KCNN2: variants seen among roughly 807,000 people sequenced by gnomAD.
The protein encoded by KCNN2 is potassium calcium-activated channel subfamily N member 2, also known as small conductance calcium-activated potassium channel protein 2.
In KCNN2, 24 loss-of-function variants were observed where a neutral mutation model predicts 55.5. That is an observed-to-expected ratio of 0.43 (90% confidence interval 0.31 to 0.61). KCNN2 has a LOEUF of 0.61. KCNN2 is among the 20% of genes least tolerant of loss of function. The probability of loss-of-function intolerance (pLI) is 0.08; values close to 1 mark genes in which losing one functional copy is unlikely to be tolerated. For synonymous variants in KCNN2, 431 were observed against 336.1 expected, an observed-to-expected ratio of 1.28 and a Z score of -3.09; for missense variants, 754 against 853.6, an observed-to-expected ratio of 0.88 and a Z score of 1.45.
At position 114,471,541 on chromosome 5, in the gene KCNN2, A is replaced by C. The variant is rs529294170; in HGVS notation, c.1780-1513A>C. Among the ~76,000 whole-genome samples the C allele has an allele frequency of 3.3e-5, 5 of 152,306 alleles. No homozygotes were observed. The East Asian group carries it at 9.6e-4, about 29-fold the overall frequency. On this transcript the variant is annotated intron_variant, in intron 4 of 7. Coordinates refer to ENST00000673685, the MANE Select transcript of KCNN2 (RefSeq NM_021614.4). ...TATGTGATCCTAAATATAGATATAGATATTATGAGATGAAGTAAAGAGTAG... is the reference window on the plus strand; with the variant it reads ...TATGTGATCCTAAATATAGATATAGCTATTATGAGATGAAGTAAAGAGTAG...
intron 3 of KCNN2, among the ~76,000 whole-genome samples, chr5:114,453,633 G>A (rs1260962747): frequency 1.3e-5 from 2 of 151,994 alleles, no homozygotes; most frequent in East Asian, 3.9e-4. Context: ...GATAGTTGTT[G>A]GAACCTCTAT....
chr5:114,120,889 T>G (rs2112596409), intron 1 of KCNN2, among the ~76,000 whole-genome samples: 1 of 152,374 alleles, frequency 6.6e-6, no homozygotes, highest in South Asian at 2.1e-4. Context: ...TGTATGATCC[T>G]GAGCATGGCA....
intron 1 of KCNN2, among the ~76,000 whole-genome samples, chr5:114,178,246 TA>T (rs1753174425): frequency 6.6e-6 from 1 of 152,150 alleles, no homozygotes; most frequent in Non-Finnish European, 1.5e-5. Context: ...TCCCATAACT[TA>T]AAAAATATAA....
chr5:114,202,226 A>G (rs909670581), intron 1 of KCNN2, among the ~76,000 whole-genome samples: 3 of 151,460 alleles, frequency 2.0e-5, no homozygotes, highest in African/African-American at 7.3e-5. Context: ...CTGGAGCAAC[A>G]TCTCTGTGCA....
In KCNN2 at chr5:114,123,620, C is replaced by T. The variant is rs1441865620; in HGVS notation, c.-271+67120C>T. ...CCTCGTGATCCGCCCGCCTCGGCCT[C>T]CCAAAGTGCTGGGATTACAGGCGTG... On this transcript the variant is annotated intron_variant, in intron 1 of 10. Transcript: ENST00000512097. Among the ~76,000 whole-genome samples the T allele has an allele frequency of 7.8e-5, 5 of 63,828 alleles. 1 individual carries two copies. Among genetic ancestry groups the T allele is most frequent in the African/African-American group, 2.0e-4 (2 of 9,872 alleles). The allele number at this position is 63,828 out of a possible 152,430, so 41.9% of individuals were successfully genotyped here. A position where few individuals can be genotyped will look rare whatever the true frequency, so the allele number is the denominator to read the frequency against.
intron 2 of KCNN2, among the ~76,000 whole-genome samples, chr5:114,300,377 A>G (rs964754867): frequency 6.6e-6 from 1 of 152,180 alleles, no homozygotes; most frequent in African/African-American, 2.4e-5. Context: ...CCTTGTTTTA[A>G]TTACAGAACG....
At chr5:114,314,198 T>G (rs1394093855) in intron 2 of KCNN2, among the ~76,000 whole-genome samples, 3 of 152,114 alleles carry the variant, frequency 2.0e-5, no homozygotes, top group Non-Finnish European at 4.4e-5. Flanking sequence ...TTTAGGTTAC[T>G]AAAAAGTTGA....
In KCNN2 at chr5:114,168,174, T is replaced by TATACACAC. The variant is rs1554072772; in HGVS notation, c.-270-53305_-270-53304insTACACACA. On this transcript the variant is annotated intron_variant, in intron 1 of 10. Transcript: ENST00000512097. ...ATAATCATATATATGTGGATATATA[T>TATACACAC]ACACACACACACACACACACACACA... Among the ~76,000 whole-genome samples the TATACACAC allele has an allele frequency of 2.7e-5, 4 of 148,710 alleles. No individual in the cohort carries two copies. The East Asian group carries it at 6.0e-4, about 22-fold the overall frequency.
chr5:114,343,932 T>C (rs1037308181), intron 2 of KCNN2, among the ~76,000 whole-genome samples: 3 of 152,198 alleles, frequency 2.0e-5, no homozygotes, highest in Non-Finnish European at 4.4e-5. Context: ...TCCTCGCCTA[T>C]ACCTGGAGAC....
intron 2 of KCNN2, among the ~76,000 whole-genome samples, chr5:114,276,022 C>A (rs1280579248): frequency 6.6e-6 from 1 of 152,024 alleles, no homozygotes; most frequent in African/African-American, 2.4e-5. Flanking sequence ...GATTCTGGTA[C>A]ATTGTGTCTT....
At chr5:114,243,062 A>G (rs1000682400) in intron 2 of KCNN2, among the ~76,000 whole-genome samples, 1 of 152,224 alleles carries the variant, frequency 6.6e-6, no homozygotes, top group Admixed American at 6.5e-5. Flanking sequence ...ATGTCAGAAA[A>G]TATAAAAATA....
At chr5:114,392,503 G>T (rs185002168) in intron 2 of KCNN2, among the ~76,000 whole-genome samples, 1 of 152,320 alleles carries the variant, frequency 6.6e-6, no homozygotes, top group East Asian at 1.9e-4. Flanking sequence ...ACAGAGGAAG[G>T]TTCCAGGATG....
intron 1 of KCNN2, among the ~76,000 whole-genome samples, chr5:114,074,238 T>A (rs1750635862): frequency 6.6e-6 from 1 of 152,040 alleles, no homozygotes; most frequent in South Asian, 2.1e-4. Flanking sequence ...ATCTCTCTTG[T>A]TACCCATCAC....
intron 4 of KCNN2, 124 bp downstream of exon 4, chr5:114,463,314 T>C (rs1211427937): frequency 1.4e-6 from 1 of 695,648 alleles, no homozygotes; most frequent in Non-Finnish European, 2.3e-6. Flanking sequence ...TCAGTATAAA[T>C]AAATCAATTT....
At chr5:114,183,026 G>A (rs1254783696) in intron 1 of KCNN2, among the ~76,000 whole-genome samples, 1 of 152,028 alleles carries the variant, frequency 6.6e-6, no homozygotes, top group Non-Finnish European at 1.5e-5. Flanking sequence ...TCAGATTGAG[G>A]AGAGGAACTT....
At chr5:114,058,000 C>T (rs1051952709) in intron 1 of KCNN2, among the ~76,000 whole-genome samples, 4 of 152,054 alleles carry the variant, frequency 2.6e-5, no homozygotes, top group Non-Finnish European at 5.9e-5. Context: ...GATGTTATAT[C>T]CTAATTTCAA....
chr5:114,298,183 G>A (rs1234401995), intron 2 of KCNN2, among the ~76,000 whole-genome samples: 1 of 152,180 alleles, frequency 6.6e-6, no homozygotes, highest in Non-Finnish European at 1.5e-5. Context: ...GCAGACACTG[G>A]CAAAGAATAC....
chr5:114,169,333 G>A (rs1752982770), intron 1 of KCNN2, among the ~76,000 whole-genome samples: 1 of 152,090 alleles, frequency 6.6e-6, no homozygotes. Flanking sequence ...CCAACCCAAA[G>A]GCTATTGGAG....
At chr5:114,092,723 A>G (rs1751170315) in intron 1 of KCNN2, among the ~76,000 whole-genome samples, 2 of 152,174 alleles carry the variant, frequency 1.3e-5, no homozygotes, top group African/African-American at 4.8e-5. Flanking sequence ...CACAGGCCCA[A>G]CACCACTTGT....
Sources: allele counts gnomAD v4.1 joint callset (sites outside exome capture counted in the v4.1 genomes callset), GRCh38; gene constraint gnomAD v4.1.1; transcripts MANE v1.5; gene names NCBI Gene and HGNC (gene_info 2026-07-23, HGNC 2026-07-21).